Variants in BTBD3 observed in about 807,000 individuals in gnomAD.
BTBD3 encodes BTB/POZ domain-containing protein 3.
In BTBD3, 14 loss-of-function variants were observed where a neutral mutation model predicts 41.6. That is an observed-to-expected ratio of 0.34 (90% confidence interval 0.22 to 0.53). The LOEUF (loss-of-function observed/expected upper bound fraction) is 0.53, where lower values mean the gene tolerates loss of function less well. Among genes scored for constraint, BTBD3 ranks in the 20% least tolerant of loss-of-function variants. BTBD3 has a pLI of 0.95. For synonymous variants in BTBD3, 249 were observed against 233.7 expected, an observed-to-expected ratio of 1.07 and a Z score of -0.60; for missense variants, 426 against 654.7, an observed-to-expected ratio of 0.65 and a Z score of 3.81.
intron 1 of BTBD3, among the ~76,000 whole-genome samples, chr20:11,912,024 A>AC (rs984093170): frequency 1.3e-5 from 2 of 151,460 alleles, no homozygotes; most frequent in African/African-American, 2.4e-5. Flanking sequence ...ATTCCTCCCC[A>AC]CCCCCCGCTC....
chr20:11,908,321 G>GTTTTTTTTTTTTTTTTTTTTTTTT (rs3834758), intron 1 of BTBD3, among the ~76,000 whole-genome samples: 1 of 77,074 alleles, frequency 1.3e-5, no homozygotes, highest in African/African-American at 4.9e-5. Context: ...CTTCTCTGTG[G>GTTTTTTTTTTTTTTTTTTTTTTTT]TTTTTTTTTT....
exon 1 of BTBD3, chr20:11,890,895 G>C: frequency 1.0e-6 from 1 of 984,966 alleles, no homozygotes; most frequent in Non-Finnish European, 1.2e-6. Context: ...GGCCTGAGGA[G>C]CGGGCACAGG....
rs780999560 is a variant in BTBD3, at chr20:11,923,231, C to T, written c.1134C>T (p.Phe378=). 6.2e-7 allele frequency: 1 copy of T among 1,614,218 alleles called. No individual in the cohort carries two copies. Among genetic ancestry groups the T allele is most frequent in the Middle Eastern group, 1.6e-4 (1 of 6,062 alleles). Residue 378 remains phenylalanine, a synonymous_variant, in exon 4 of 4, where the codon TTC becomes TTT. Coordinates refer to ENST00000378226, the MANE Select transcript of BTBD3 (RefSeq NM_014962.4). This position sits in a 1 kb window ranked among gnomAD's most constrained non-coding sequence, Gnocchi z 5.3. ...KGLVPQRCHR[F]QSCAYRSNQW... ...TTGTCCCCCAGCGCTGTCACCGTTT[C>T]CAGTCGTGTGCCTATCGAAGCAACC... is the stretch of plus-strand genomic sequence containing the variant.
At chr20:11,912,546 G>T (rs571407115) in intron 1 of BTBD3, among the ~76,000 whole-genome samples, 31 of 152,354 alleles carry the variant, frequency 2.0e-4, no homozygotes, top group African/African-American at 7.0e-4. Context: ...AGGATGAAAT[G>T]TCAGTAGCTG....
chr20:11,916,997 G>A (rs1483971855), upstream of BTBD3, among the ~76,000 whole-genome samples: 1 of 152,126 alleles, frequency 6.6e-6, no homozygotes, highest in East Asian at 1.9e-4. Flanking sequence ...GAGAGAACCT[G>A]TTTGCATTTT....
chr20:11,915,658 A>G (rs2056913473), upstream of BTBD3, among the ~76,000 whole-genome samples: 4 of 152,200 alleles, frequency 2.6e-5, no homozygotes, highest in Admixed American at 2.6e-4. Flanking sequence ...AAGAAAAAGT[A>G]GCCGTCAGAT....
intron 1 of BTBD3, among the ~76,000 whole-genome samples, chr20:11,904,331 A>G (rs889683141): frequency 1.3e-5 from 2 of 152,160 alleles, no homozygotes; most frequent in Admixed American, 1.3e-4. Flanking sequence ...ATGCACTTTC[A>G]AACAACCAGA....
chr20:11,920,130 A>G (rs1305031838), intron 3 of BTBD3, among the ~76,000 whole-genome samples: 1 of 152,250 alleles, frequency 6.6e-6, no homozygotes, highest in East Asian at 1.9e-4. Flanking sequence ...TGGTATTAGC[A>G]TTATTTAATA....
intron 1 of BTBD3, chr20:11,892,615 G>A (rs2122148587): frequency 6.6e-6 from 1 of 152,232 alleles, no homozygotes; most frequent in Admixed American, 6.5e-5. Flanking sequence ...CCGTTGTATG[G>A]GATGATAATT....
chr20:11,909,670 C>T (rs2056877743), intron 1 of BTBD3: 1 of 152,068 alleles, frequency 6.6e-6, no homozygotes, highest in Non-Finnish European at 1.5e-5. Context: ...CAAAGGATAG[C>T]ATTTCATTAA....
chr20:11,913,300 T>C (rs1420189519), upstream of BTBD3: 1 of 152,180 alleles, frequency 6.6e-6, no homozygotes, highest in Non-Finnish European at 1.5e-5. Flanking sequence ...AGCTGGTTTC[T>C]AACTTTATTT....
intron 1 of BTBD3, among the ~76,000 whole-genome samples, chr20:11,897,070 C>T (rs184330785): frequency 6.0e-4 from 91 of 152,132 alleles, no homozygotes; most frequent in Non-Finnish European, 1.0e-3. Context: ...CCTTCTATAC[C>T]GCTGGCCTTC....
At chr20:11,912,702 A>G (rs2122258520) in intron 1 of BTBD3, among the ~76,000 whole-genome samples, 1 of 152,330 alleles carries the variant, frequency 6.6e-6, no homozygotes, top group East Asian at 1.9e-4. Context: ...TTTTTAACTA[A>G]AGTGCTTTCA....
chr20:11,893,689 TAAAA>T (rs897280848), intron 1 of BTBD3, among the ~76,000 whole-genome samples: 1 of 152,012 alleles, frequency 6.6e-6, no homozygotes, highest in Non-Finnish European at 1.5e-5. Context: ...AAAAATTAAA[TAAAA>T]AAATATTTCC....
At chr20:11,912,757 T>A (rs558095644) in intron 1 of BTBD3, among the ~76,000 whole-genome samples, 1 of 152,350 alleles carries the variant, frequency 6.6e-6, no homozygotes, top group Admixed American at 6.5e-5. Context: ...AGGGAGAAGC[T>A]GGGTCTAATT....
chr20:11,917,799 C>A, upstream of BTBD3: 1 of 400,474 alleles, frequency 2.5e-6, no homozygotes, highest in Non-Finnish European at 3.4e-6. Flanking sequence ...TTGCTTGGTC[C>A]AATCATGATT....
chr20:11,892,931 A>G (rs1600223607), intron 1 of BTBD3, among the ~76,000 whole-genome samples: 1 of 152,214 alleles, frequency 6.6e-6, no homozygotes, highest in East Asian at 1.9e-4. Flanking sequence ...TACTCTGCCA[A>G]CATTCTTTAC....
At chr20:11,917,872 C>G, upstream of BTBD3, 3 of 984,260 alleles carry the variant, frequency 3.0e-6, no homozygotes, top group Non-Finnish European at 3.6e-6. Context: ...GCTGTAATAC[C>G]TACTCTCCTC....
chr20:11,922,487 G>A lies in BTBD3; in HGVS notation c.537-147G>A, dbSNP rs77793286. The A allele has an allele frequency of 1.6e-4, 99 of 612,866 alleles. No individual in the cohort carries two copies. In the Middle Eastern group the frequency reaches 2.7e-3, roughly 17 times the overall value. The allele number at this position is 612,866 out of a possible 1,614,324, so 38.0% of individuals were successfully genotyped here. On this transcript the variant is annotated intron_variant, in intron 3 of 3. Transcript: ENST00000378226. ...TATTAATAATTTATTAATATGTTTC[G>A]AATGTTCCTTTACTCTGCAAATATG...
Sources: allele counts gnomAD v4.1 joint callset (sites outside exome capture counted in the v4.1 genomes callset), GRCh38; gene constraint gnomAD v4.1.1; non-coding constraint Gnocchi (gnomAD v3.1); transcripts MANE v1.5; gene names NCBI Gene and HGNC (gene_info 2026-07-23, HGNC 2026-07-21).